Variants in NDC80 observed in about 807,000 individuals in gnomAD.
NDC80 encodes the protein kinetochore protein NDC80 homolog.
Under a neutral mutation model 89.3 loss-of-function variants are expected in NDC80, and 69 were observed. The observed-to-expected ratio is 0.77, with a 90% confidence interval of 0.64 to 0.94. NDC80 has a LOEUF of 0.94. Among genes scored for constraint, NDC80 ranks in the 40% least tolerant of loss-of-function variants. NDC80 has a pLI of 0.00. For missense variants in NDC80, 593 were observed against 739.6 expected, an observed-to-expected ratio of 0.80 and a Z score of 2.30; for synonymous variants, 243 against 255.6, an observed-to-expected ratio of 0.95 and a Z score of 0.47.
rs1473907021 is a variant in NDC80, at chr18:2,595,472, A to G, written c.1072A>G (p.Asn358Asp). The G allele has an allele frequency of 1.9e-6, 3 of 1,613,946 alleles. No individual in the cohort carries two copies. In the East Asian group the frequency reaches 6.7e-5, roughly 36 times the overall value. ...CACTCGACTACAGAATATCATTGAC[A>G]ACCAGAAGTACTCAGTTGCAGACAT... Reference protein sequence around the residue: ...ENTRLQNIIDNQKYSVADIER... With the variant: ...ENTRLQNIIDDQKYSVADIER... Residue 358 changes from asparagine (N) to aspartate (D), a missense_variant, in exon 11 of 17, where the codon AAC becomes GAC. Asn to Asp is a conservative substitution (Grantham distance 23, BLOSUM62 1). Coordinates refer to ENST00000261597, the MANE Select transcript of NDC80 (RefSeq NM_006101.3).
chr18:2,578,725 G>A (rs578216969), intron 5 of NDC80, among the ~76,000 whole-genome samples: 19 of 152,220 alleles, frequency 1.2e-4, no homozygotes, highest in East Asian at 7.7e-4. Context: ...CTGCAGCTTC[G>A]GGGATAGATG....
At position 2,608,772 on chromosome 18, in the gene NDC80, A is replaced by G; in HGVS notation, c.1630A>G (p.Ser544Gly). The change falls in exon 15 of 17, where the codon AGT becomes GGT. Residue 544 changes from serine to glycine, a missense_variant. Coordinates refer to ENST00000261597, the MANE Select transcript of NDC80 (RefSeq NM_006101.3). ...SLEKHKHLLE[S>G]TVNQGLSEAM... Reference sequence around the variant, plus strand: ...GGAGAAACACAAGCACCTGCTAGAAAGTACTGTTAACCAGGGGCTCAGTGA... The same window carrying G: ...GGAGAAACACAAGCACCTGCTAGAAGGTACTGTTAACCAGGGGCTCAGTGA... 1 of 1,613,412 alleles carries G rather than the reference A, an allele frequency of 6.2e-7. No individual in the cohort carries two copies. Among genetic ancestry groups the G allele is most frequent in the Non-Finnish European group, 8.5e-7 (1 of 1,179,458 alleles).
intron 6 of NDC80, chr18:2,582,630 T>A (rs1015673369): frequency 6.6e-6 from 1 of 152,232 alleles, no homozygotes; most frequent in African/African-American, 2.4e-5. Flanking sequence ...TAGAAGATAA[T>A]GTTTTGCATG....
Position 2,610,796 on chromosome 18 carries a change from C to T in NDC80, c.1726C>T (p.Arg576Ter), listed in dbSNP as rs142173030. 34 of 1,589,508 alleles carry T rather than the reference C, an allele frequency of 2.1e-5. No individual in the cohort carries two copies. Among genetic ancestry groups the T allele is most frequent in the Non-Finnish European group, 2.7e-5 (31 of 1,163,194 alleles). The change falls in exon 16 of 17, where the codon CGA (arginine) becomes TGA (stop). Residue 576 changes from arginine (R) to a stop codon, truncating the protein, a stop_gained. Coordinates refer to ENST00000261597, the MANE Select transcript of NDC80 (RefSeq NM_006101.3). LOFTEE classifies it high-confidence loss of function. ...TGTGCAAACCACGACTGAAGAAAGACGAAAAGTGGGAAATAACTTGCAACG... is the reference window on the plus strand; with the variant it reads ...TGTGCAAACCACGACTGAAGAAAGATGAAAAGTGGGAAATAACTTGCAACG... Reference protein sequence around the residue: ...LVVQTTTEERRKVGNNLQRLL... With the variant: ...LVVQTTTEER
At chr18:2,611,485 C>T (rs575219604) in intron 16 of NDC80, among the ~76,000 whole-genome samples, 134 of 152,284 alleles carry the variant, frequency 8.8e-4, no homozygotes, top group African/African-American at 3.1e-3. Flanking sequence ...CATTTGAAAA[C>T]TTATCGTACA....
chr18:2,602,016 A>G (rs565095014), intron 13 of NDC80, among the ~76,000 whole-genome samples: 25 of 152,244 alleles, frequency 1.6e-4, no homozygotes, highest in African/African-American at 6.0e-4. Flanking sequence ...CTATTATTGT[A>G]TTTAGTAACC....
chr18:2,597,805 G>A (rs1268744698), intron 11 of NDC80, among the ~76,000 whole-genome samples: 8 of 152,132 alleles, frequency 5.3e-5, no homozygotes, highest in South Asian at 2.1e-4. Context: ...GAGGTAGAGC[G>A]AATGAAACTT....
intron 10 of NDC80, chr18:2,594,151 TC>T: frequency 6.4e-6 from 1 of 157,470 alleles, no homozygotes; most frequent in Non-Finnish European, 1.4e-5. Flanking sequence ...CCTCAGGGCT[TC>T]CCAAAGCGCT....
rs1568011747 is a variant in NDC80, at chr18:2,607,995, ATAT to A, written c.1558-704_1558-702del. On this transcript the variant is annotated intron_variant, in intron 14 of 16. Transcript: ENST00000261597. Reference sequence around the variant, plus strand: ...TATATATATATATATATATATATATATATAACTTATTTAGCTAGCCCCTTATTA... The same window carrying A: ...TATATATATATATATATATATATATAAACTTATTTAGCTAGCCCCTTATTA... Among the ~76,000 whole-genome samples the A allele has an allele frequency of 4.4e-4, 58 of 133,322 alleles. 2 individuals are homozygous for A. The highest frequency in any genetic ancestry group is 7.8e-4 in the African/African-American group (29 of 37,174). The allele number at this position is 133,322 out of a possible 152,430, so 87.5% of individuals were successfully genotyped here. A position where few individuals can be genotyped will look rare whatever the true frequency, so the allele number is the denominator to read the frequency against.
chr18:2,579,101 C>T, intron 6 of NDC80, 72 bp downstream of exon 6: 1 of 886,412 alleles, frequency 1.1e-6, no homozygotes, highest in Non-Finnish European at 1.6e-6. Flanking sequence ...ATTTTCTCTC[C>T]CAGTCTTTTG....
intron 11 of NDC80, 89 bp from the exon 12 acceptor site, chr18:2,598,930 T>A (rs1875845356): frequency 7.8e-7 from 1 of 1,284,786 alleles, no homozygotes; most frequent in Non-Finnish European, 1.0e-6. Flanking sequence ...AGGTGTGATA[T>A]GTTTTGTATA....
chr18:2,584,304 A>G (rs1206776415), intron 6 of NDC80, among the ~76,000 whole-genome samples: 3 of 149,690 alleles, frequency 2.0e-5, no homozygotes, highest in African/African-American at 4.9e-5. Flanking sequence ...AAAAAAAAAT[A>G]CATATTTATA....
chr18:2,601,619 A>T, intron 13 of NDC80, 134 bp downstream of exon 13: 1 of 444,562 alleles, frequency 2.2e-6, no homozygotes, highest in Non-Finnish European at 4.1e-6. Flanking sequence ...AGAATTGGGT[A>T]TGCTCTCGAC....
At chr18:2,587,994 A>T (rs2271754) in intron 8 of NDC80, 71 bp downstream of exon 8, 246,236 of 1,215,232 alleles carry the variant, frequency 0.2, 28,525 homozygotes, top group East Asian at 0.44. Context: ...TAATTTATTT[A>T]CCATATCCAG....
chr18:2,615,663 A>G (rs549298879), intron 16 of NDC80, among the ~76,000 whole-genome samples: 26 of 152,352 alleles, frequency 1.7e-4, no homozygotes, highest in African/African-American at 5.3e-4. Context: ...TACTCAGCCT[A>G]CTATACCTGG....
At chr18:2,599,201 T>C in intron 12 of NDC80, 30 bp downstream of exon 12, 1 of 1,574,876 alleles carries the variant, frequency 6.3e-7, no homozygotes, top group African/African-American at 1.4e-5. Flanking sequence ...TTTAAGATTT[T>C]TTTAATTCTG....
Position 2,606,441 on chromosome 18 carries a change from G to T in NDC80, c.1491G>T (p.Lys497Asn). 6.2e-7 allele frequency: 1 copy of T among 1,603,232 alleles called. No homozygotes were observed. Among genetic ancestry groups the T allele is most frequent in the South Asian group, 1.1e-5 (1 of 89,466 alleles). The change falls in exon 14 of 17, where the codon AAG becomes AAT. Residue 497 changes from lysine to asparagine, a missense_variant. Coordinates refer to ENST00000261597, the MANE Select transcript of NDC80 (RefSeq NM_006101.3). The part of the protein sequence containing the change: ...EQLNAMITES[K>N]RSVRTLKEEV... ...TGAATGCAATGATAACAGAAAGCAA[G>T]AGAAGTGTGAGAACTCTGAAAGAAG...
chr18:2,606,519 G>T lies in NDC80; in HGVS notation c.1557+12G>T, dbSNP rs200093875. On this transcript the variant is annotated intron_variant, in intron 14 of 16. Coordinates refer to ENST00000261597, the MANE Select transcript of NDC80 (RefSeq NM_006101.3). ...AACAAAAAATTAAGGTAAGAACTTT[G>T]CCACAGTTTGCGTAGGTTATCAAAA... is the stretch of plus-strand genomic sequence containing the variant. 2 of 1,559,302 alleles carry T rather than the reference G, an allele frequency of 1.3e-6. No homozygotes were observed. Among genetic ancestry groups the T allele is most frequent in the Non-Finnish European group, 1.7e-6 (2 of 1,143,374 alleles).
In NDC80 at chr18:2,613,119, G is replaced by A. The variant is rs537582374; in HGVS notation, c.1791+2258G>A. Among the ~76,000 whole-genome samples, 3 of 152,352 alleles carry A rather than the reference G, an allele frequency of 2.0e-5. No homozygotes were observed. In the South Asian group the frequency reaches 6.2e-4, roughly 32 times the overall value. ...TGTGGCTTGATGTTCTAGACCAGGG[G>A]TCAGCAAACTACAACCTGCAGGCCC... On this transcript the variant is annotated intron_variant, in intron 16 of 16. Transcript: ENST00000261597.
Sources: allele counts gnomAD v4.1 joint callset (sites outside exome capture counted in the v4.1 genomes callset), GRCh38; gene constraint gnomAD v4.1.1; transcripts MANE v1.5; gene names NCBI Gene and HGNC (gene_info 2026-07-23, HGNC 2026-07-21).